CFAP68: variants seen among roughly 807,000 people sequenced by gnomAD.
CFAP68 encodes the protein cilia- and flagella-associated protein 68.
chr11:111,880,169 A>T, the CFAP68 span, among the ~76,000 whole-genome samples: 2 of 152,130 alleles, frequency 1.3e-5, no homozygotes, highest in Non-Finnish European at 2.9e-5. Context: ...GGTATATTGC[A>T]CCTAATAGTT....
the CFAP68 span, chr11:111,883,274 CAAAT>C: frequency 7.6e-7 from 1 of 1,319,168 alleles, no homozygotes; most frequent in South Asian, 1.3e-5. Flanking sequence ...AGAAGGAACT[CAAAT>C]AAAAGTAAAC....
the CFAP68 span, chr11:111,881,174 T>C: frequency 7.9e-7 from 1 of 1,264,990 alleles, no homozygotes; most frequent in Non-Finnish European, 1.0e-6. Flanking sequence ...GCTTCTGGCT[T>C]GGACAACTGA....
chr11:111,882,589 G>A, the CFAP68 span: 1 of 1,568,972 alleles, frequency 6.4e-7, no homozygotes, highest in Non-Finnish European at 8.6e-7. Flanking sequence ...CCAAACCCTT[G>A]CCTTCCCAGG....
At chr11:111,885,764 A>AT in the CFAP68 span, 1 of 152,134 alleles carries the variant, frequency 6.6e-6, no homozygotes, top group African/African-American at 2.4e-5. Context: ...GCAAGGAGAT[A>AT]TTTTTTATCT....
chr11:111,883,083 CTGA>C, the CFAP68 span: 13 of 1,293,324 alleles, frequency 1.0e-5, no homozygotes, highest in Non-Finnish European at 1.4e-5. Flanking sequence ...TCTTTATTTC[CTGA>C]TGTTAGCTGT....
the CFAP68 span, chr11:111,883,316 G>T: frequency 4.4e-6 from 4 of 914,196 alleles, no homozygotes; most frequent in African/African-American, 1.7e-5. Flanking sequence ...GAGGCTGGGC[G>T]CAGTGGCTCA....
chr11:111,879,635 C>T, the CFAP68 span: 2 of 1,603,588 alleles, frequency 1.2e-6, no homozygotes, highest in East Asian at 2.2e-5. Context: ...TCTATTCGTT[C>T]AAGAAAGAGT....
At chr11:111,883,159 A>G in the CFAP68 span, 8 of 1,580,516 alleles carry the variant, frequency 5.1e-6, no homozygotes, top group Non-Finnish European at 6.9e-6. Context: ...TTGAAACAAC[A>G]TATGATACAA....
the CFAP68 span, among the ~76,000 whole-genome samples, chr11:111,880,372 C>T: frequency 2.6e-5 from 4 of 152,150 alleles, no homozygotes; most frequent in African/African-American, 9.7e-5. Context: ...GCTGCATTCC[C>T]AGTAAGTTAA....
the CFAP68 span, chr11:111,884,025 C>G: frequency 1.7e-6 from 1 of 580,190 alleles, no homozygotes; most frequent in East Asian, 2.9e-5. Flanking sequence ...ATTTAGCTCA[C>G]TGTAACACAG....
the CFAP68 span, chr11:111,882,574 G>A: frequency 6.2e-7 from 1 of 1,606,490 alleles, no homozygotes; most frequent in Non-Finnish European, 8.5e-7. Context: ...GGAATATCGT[G>A]CAGCCCAAAC....
the CFAP68 span, among the ~76,000 whole-genome samples, chr11:111,880,588 C>T: frequency 1.6e-4 from 24 of 152,256 alleles, no homozygotes; most frequent in South Asian, 1.7e-3. Flanking sequence ...AGGAAGTTAC[C>T]GTATATGGTC....
chr11:111,881,212 C>T, the CFAP68 span: 1 of 1,333,102 alleles, frequency 7.5e-7, no homozygotes, highest in Non-Finnish European at 9.6e-7. Flanking sequence ...TCATTCCAGC[C>T]CTAGAGACAG....
the CFAP68 span, chr11:111,883,119 T>C: frequency 6.5e-7 from 1 of 1,542,748 alleles, no homozygotes; most frequent in Non-Finnish European, 8.8e-7. Flanking sequence ...TCTTAATCTG[T>C]TAATTTTTCT....
At chr11:111,883,690 T>C in the CFAP68 span, 772 of 947,806 alleles carry the variant, frequency 8.1e-4, 1 homozygote, top group African/African-American at 0.011. Flanking sequence ...TCCCTAGAAA[T>C]AAGAGCAAGA....
the CFAP68 span, chr11:111,881,703 A>G: frequency 5.0e-6 from 7 of 1,397,112 alleles, no homozygotes; most frequent in Non-Finnish European, 5.7e-6. Context: ...AAATGAAATC[A>G]GACATTGATC....
chr11:111,883,767 T>C, the CFAP68 span: 1 of 1,598,972 alleles, frequency 6.3e-7, no homozygotes, highest in Non-Finnish European at 8.6e-7. Flanking sequence ...TTTTCTTCCC[T>C]CAGGATTTAA....
the CFAP68 span, chr11:111,885,098 C>T: frequency 0.27 from 40,309 of 150,660 alleles, 5,569 homozygotes; most frequent in Admixed American, 0.34. Context: ...TTGCAGTGAG[C>T]TGAGACGGTG....
At chr11:111,881,728 A>G in the CFAP68 span, 4 of 1,224,702 alleles carry the variant, frequency 3.3e-6, no homozygotes, top group South Asian at 1.6e-5. Flanking sequence ...GGTATATGCA[A>G]TCCAGATTGA....
Sources: allele counts gnomAD v4.1 joint callset (sites outside exome capture counted in the v4.1 genomes callset), GRCh38; gene constraint gnomAD v4.1.1; transcripts MANE v1.5; gene names NCBI Gene and HGNC (gene_info 2026-07-23, HGNC 2026-07-21).